The following TPD52L2 variants were observed in gnomAD, a reference collection of about 807,000 sequenced individuals.
TPD52L2 encodes the protein tumor protein D54.
In TPD52L2, 19 loss-of-function variants were observed where a neutral mutation model predicts 24.7. That is an observed-to-expected ratio of 0.77 (90% CI 0.54 to 1.13). The LOEUF (loss-of-function observed/expected upper bound fraction) is 1.13. Ranked by LOEUF, TPD52L2 falls within the 50% of genes most tolerant of loss-of-function variation. The pLI, the probability that TPD52L2 is intolerant of heterozygous loss-of-function variation, is 0.00. For synonymous variants in TPD52L2, 104 were observed against 100.2 expected, an observed-to-expected ratio of 1.04 and a Z score of -0.23; for missense variants, 236 against 250.4, an observed-to-expected ratio of 0.94 and a Z score of 0.39.
rs2053275935 is a variant in TPD52L2 at position 63,890,074 on chromosome 20, T to A, written c.*129T>A. The A allele has an allele frequency of 2.0e-6, 3 of 1,521,482 alleles. No individual in the cohort carries two copies. The highest frequency in any genetic ancestry group is 2.6e-6 in the Non-Finnish European group (3 of 1,132,720). The allele number at this position is 1,521,482 out of a possible 1,614,324, so 94.2% of individuals were successfully genotyped here. A position where few individuals can be genotyped will look rare whatever the true frequency, so the allele number is the denominator to read the frequency against. ...CCGGCCCTGAGGACAGTCCTGCCCA[T>A]CCACGCGGAGATGTGGCTGCCGCGT... is the stretch of plus-strand genomic sequence containing the variant. On this transcript the variant is annotated 3_prime_UTR_variant, in exon 7 of 7. Transcript: ENST00000346249.
chr20:63,880,748 G>A (rs887323132), intron 4 of TPD52L2, among the ~76,000 whole-genome samples: 5 of 152,156 alleles, frequency 3.3e-5, no homozygotes, highest in South Asian at 4.2e-4. Flanking sequence ...AAAATTAGCC[G>A]GATGTGGTGG....
At chr20:63,880,725 C>T (rs2052861396) in intron 4 of TPD52L2, among the ~76,000 whole-genome samples, 1 of 151,754 alleles carries the variant, frequency 6.6e-6, no homozygotes, top group Non-Finnish European at 1.5e-5. Context: ...TCCGTCTGTA[C>T]CAAAAATACA....
chr20:63,872,196 C>G (rs1340043619), intron 2 of TPD52L2, among the ~76,000 whole-genome samples: 6 of 152,080 alleles, frequency 3.9e-5, no homozygotes, highest in African/African-American at 1.4e-4. Context: ...GAACTGACCT[C>G]AGGAACACAA....
At chr20:63,886,520 C>T (rs1031686389) in intron 5 of TPD52L2, among the ~76,000 whole-genome samples, 7 of 152,140 alleles carry the variant, frequency 4.6e-5, no homozygotes, top group Admixed American at 1.3e-4. Flanking sequence ...CGCCGCCACG[C>T]CCGGCTAATT....
chr20:63,886,641 G>A (rs563363464), intron 5 of TPD52L2, among the ~76,000 whole-genome samples: 43 of 151,068 alleles, frequency 2.8e-4, no homozygotes, highest in African/African-American at 7.8e-4. Context: ...GAGCCACCGC[G>A]CCCGGCCTTT....
chr20:63,873,471 G>A (rs537773058), intron 2 of TPD52L2, among the ~76,000 whole-genome samples, 197 bp from the exon 3 acceptor site: 5 of 148,840 alleles, frequency 3.4e-5, no homozygotes, highest in Admixed American at 2.0e-4. Context: ...CCTGGGCGAC[G>A]AGCGAAACTC....
chr20:63,878,281 C>A (rs889808423), intron 4 of TPD52L2, among the ~76,000 whole-genome samples: 1 of 152,236 alleles, frequency 6.6e-6, no homozygotes, highest in South Asian at 2.1e-4. Flanking sequence ...GGCTGCAATG[C>A]GGCCACATTC....
intron 4 of TPD52L2, among the ~76,000 whole-genome samples, chr20:63,882,380 A>G (rs1255091525): frequency 6.6e-6 from 1 of 152,238 alleles, no homozygotes; most frequent in Non-Finnish European, 1.5e-5. Context: ...GGCTGTGAGA[A>G]GACAGGAAAG....
At chr20:63,865,722 C>T (rs1368870879) in intron 1 of TPD52L2, among the ~76,000 whole-genome samples, 1 of 140,338 alleles carries the variant, frequency 7.1e-6, no homozygotes. Flanking sequence ...ACCCCGTGCC[C>T]TGCTCTTGCT....
intron 2 of TPD52L2, among the ~76,000 whole-genome samples, chr20:63,870,865 G>A (rs769557265): frequency 6.6e-6 from 1 of 150,488 alleles, no homozygotes; most frequent in Non-Finnish European, 1.5e-5. Context: ...TTACAGGCGC[G>A]TGCCTCCCTG....
intron 5 of TPD52L2, chr20:63,887,318 T>C (rs1050982899): frequency 9.0e-5 from 56 of 619,980 alleles, no homozygotes; most frequent in Non-Finnish European, 1.2e-5. Context: ...CACAGCTTCC[T>C]ATGGCAGTGC....
intron 4 of TPD52L2, among the ~76,000 whole-genome samples, chr20:63,881,228 G>C (rs2052885023): frequency 6.6e-6 from 1 of 152,224 alleles, no homozygotes; most frequent in East Asian, 1.9e-4. Flanking sequence ...GGGCGTGGTG[G>C]TGGGTGCCTG....
intron 2 of TPD52L2, among the ~76,000 whole-genome samples, chr20:63,870,791 C>G (rs918052912): frequency 3.3e-5 from 5 of 150,138 alleles, no homozygotes. Flanking sequence ...GATCTCGGCT[C>G]GCTGCAATCT....
At chr20:63,874,389 T>C (rs1308066816) in intron 3 of TPD52L2, among the ~76,000 whole-genome samples, 1 of 151,080 alleles carries the variant, frequency 6.6e-6, no homozygotes, top group African/African-American at 2.4e-5. Context: ...TTATTATTCT[T>C]TTTTGAGATG....
Position 63,877,709 on chromosome 20 carries a change from C to A in TPD52L2, c.374+1834C>A, listed in dbSNP as rs564358416. ...AAATAGTGTTTTAGAGAGCTTATTA[C>A]AACACTCAGCGTCCCGACCCCTCTG... On this transcript the variant is annotated intron_variant, in intron 4 of 6. Coordinates refer to ENST00000346249, the MANE Select transcript of TPD52L2 (RefSeq NM_003288.4). This position sits in a 1 kb window ranked among gnomAD's most constrained non-coding sequence, Gnocchi z 4.1. Among the ~76,000 whole-genome samples, 114 of 152,374 alleles carry A rather than the reference C, an allele frequency of 7.5e-4. No individual in the cohort carries two copies. Among genetic ancestry groups the A allele is most frequent in the African/African-American group, 2.5e-3 (105 of 41,600 alleles).
chr20:63,884,664 C>T (rs2053030161), intron 5 of TPD52L2, among the ~76,000 whole-genome samples: 1 of 152,210 alleles, frequency 6.6e-6, no homozygotes, highest in Admixed American at 6.5e-5. Flanking sequence ...GGCAGCTGAC[C>T]CGTGTCGTGT....
rs79846799 is a variant in TPD52L2 at position 63,879,356 on chromosome 20, G to A, written c.375-3363G>A. Among the ~76,000 whole-genome samples the A allele has an allele frequency of 5.8e-3, 879 of 152,166 alleles. 11 individuals carry two copies. The highest frequency in any genetic ancestry group is 0.021 in the African/African-American group (859 of 41,516). On this transcript the variant is annotated intron_variant, in intron 4 of 6. Coordinates refer to ENST00000346249, the MANE Select transcript of TPD52L2 (RefSeq NM_003288.4). ...GATCACAGTGGCACCGGGTGTCAGT[G>A]GCCAGTGGTCAGTGGCCAGGAACCC... is the stretch of plus-strand genomic sequence containing the variant.
At chr20:63,879,205 C>G (rs961478271) in intron 4 of TPD52L2, among the ~76,000 whole-genome samples, 2 of 152,186 alleles carry the variant, frequency 1.3e-5, no homozygotes, top group Non-Finnish European at 2.9e-5. Flanking sequence ...CCAGGGCCAT[C>G]CCAGTTTGGA....
At chr20:63,886,118 G>C in intron 5 of TPD52L2, 1 of 1,471,442 alleles carries the variant, frequency 6.8e-7, no homozygotes, top group Non-Finnish European at 9.5e-7. Context: ...CAGGGCCCTT[G>C]GGCGGCTGTG....
Sources: gnomAD v4.1 joint callset for allele counts (sites outside exome capture counted in the v4.1 genomes callset) on GRCh38, gnomAD v4.1.1 for gene constraint, Gnocchi (gnomAD v3.1) non-coding constraint, MANE v1.5 for transcripts, NCBI Gene and HGNC (gene_info 2026-07-23, HGNC 2026-07-21) for gene names.